The following DLGAP2 variants were observed in gnomAD, a reference collection of about 807,000 sequenced individuals.
DLGAP2 encodes the protein disks large-associated protein 2.
In DLGAP2, 26 loss-of-function variants were observed where a neutral mutation model predicts 100.3. The observed-to-expected ratio is 0.26, with a 90% CI of 0.19 to 0.36. The LOEUF (loss-of-function observed/expected upper bound fraction) is 0.36. DLGAP2 is among the 10% of genes least tolerant of loss of function. The pLI is 1.00. For missense variants in DLGAP2, 1,858 were observed against 1,453.2 expected (o/e 1.28, Z -4.53); for synonymous variants, 886 against 630.1 (o/e 1.41, Z -6.08).
intron 12 of DLGAP2, among the ~76,000 whole-genome samples, chr8:1,690,703 CAAAAAAAAAAAAAAAA>C (rs71190752): frequency 1.6e-5 from 1 of 62,086 alleles, no homozygotes; most frequent in Non-Finnish European, 3.2e-5. Context: ...GACCCTATCT[CAAAAAAAAAAAAAAAA>C]AAAAAAAAAA....
chr8:1,409,530 C>T (rs1584869281), intron 3 of DLGAP2, among the ~76,000 whole-genome samples: 1 of 152,206 alleles, frequency 6.6e-6, no homozygotes, highest in South Asian at 2.1e-4. Flanking sequence ...TGCTCAGAAC[C>T]CTCCTCGCTT....
At position 1,536,318 on chromosome 8, in the gene DLGAP2, C is replaced by T. The variant is rs1378344884; in HGVS notation, c.173-12308C>T. Among the ~76,000 whole-genome samples, 4 of 152,132 alleles carry T rather than the reference C, an allele frequency of 2.6e-5. No individual in the cohort carries two copies. In the East Asian group the frequency reaches 7.7e-4, roughly 29 times the overall value. On this transcript the variant is annotated intron_variant, in intron 4 of 14. Transcript: ENST00000637795. The stretch of plus-strand genomic sequence containing the variant: ...CGACTTCCCGGGATTGTTAGCAGAA[C>T]CACATGAAATCAGCACCATGCCGAC...
intron 3 of DLGAP2, among the ~76,000 whole-genome samples, chr8:1,329,637 C>G (rs1189128808): frequency 6.6e-6 from 1 of 152,142 alleles, no homozygotes; most frequent in Non-Finnish European, 1.5e-5. Flanking sequence ...GGGGAATGAA[C>G]ATGGGCCCTA....
At chr8:1,121,710 C>T (rs1438417274) in intron 2 of DLGAP2, among the ~76,000 whole-genome samples, 1 of 84,990 alleles carries the variant, frequency 1.2e-5, no homozygotes, top group Non-Finnish European at 3.6e-5. Context: ...CCATGACCAC[C>T]CATCCTTGTC....
intron 6 of DLGAP2, among the ~76,000 whole-genome samples, chr8:1,590,404 C>T (rs746139248): frequency 2.6e-5 from 4 of 152,126 alleles, no homozygotes; most frequent in Non-Finnish European, 5.9e-5. Context: ...TTTCCATCTC[C>T]GTGTTGGCTT....
At chr8:1,249,006 C>T (rs148894755) in intron 2 of DLGAP2, among the ~76,000 whole-genome samples, 30 of 152,212 alleles carry the variant, frequency 2.0e-4, no homozygotes, top group African/African-American at 7.2e-4. Flanking sequence ...CGGGGACATC[C>T]CATGTTTAGG....
intron 3 of DLGAP2, chr8:1,380,346 A>T (rs578260708): frequency 3.3e-5 from 5 of 152,172 alleles, no homozygotes; most frequent in African/African-American, 9.6e-5. Context: ...CACCTGGTTA[A>T]CGGAAGCAGC....
At chr8:1,288,321 C>G (rs1448406320) in intron 3 of DLGAP2, among the ~76,000 whole-genome samples, 2 of 129,488 alleles carry the variant, frequency 1.5e-5, no homozygotes, top group African/African-American at 3.0e-5. Flanking sequence ...AGGAGGGGAA[C>G]TAGTTTCGTT....
chr8:1,373,205 A>G (rs1183818053), intron 3 of DLGAP2, among the ~76,000 whole-genome samples: 2 of 152,056 alleles, frequency 1.3e-5, no homozygotes, highest in African/African-American at 4.8e-5. Context: ...TGCTTGAGTG[A>G]CTGCGCAGCA....
At chr8:1,588,432 A>G (rs1338863619) in intron 6 of DLGAP2, among the ~76,000 whole-genome samples, 1 of 152,182 alleles carries the variant, frequency 6.6e-6, no homozygotes, top group African/African-American at 2.4e-5. Context: ...CTTATATGTA[A>G]TTCTCCCCAA....
intron 6 of DLGAP2, among the ~76,000 whole-genome samples, chr8:1,593,819 A>G (rs934881152): frequency 3.3e-5 from 5 of 152,220 alleles, no homozygotes; most frequent in African/African-American, 1.2e-4. Context: ...CTCCCTCCTC[A>G]GCACAGAATA....
At chr8:1,641,879 C>G (rs575413755) in intron 8 of DLGAP2, among the ~76,000 whole-genome samples, 1 of 128,664 alleles carries the variant, frequency 7.8e-6, no homozygotes, top group Non-Finnish European at 1.7e-5. Flanking sequence ...CCCTCGAACC[C>G]GCCGGTCCTC....
chr8:1,223,580 T>C (rs574727122), intron 2 of DLGAP2, among the ~76,000 whole-genome samples: 1 of 152,374 alleles, frequency 6.6e-6, no homozygotes, highest in East Asian at 1.9e-4. Context: ...TCACTTTCTC[T>C]TTTTTAAAAA....
intron 1 of DLGAP2, among the ~76,000 whole-genome samples, chr8:809,081 AT>A (rs1263930922): frequency 6.6e-6 from 1 of 151,604 alleles, no homozygotes; most frequent in Non-Finnish European, 1.5e-5. Context: ...TAATTTTTTT[AT>A]TTTTAGTAGA....
chr8:1,238,522 G>A (rs1294997976), intron 2 of DLGAP2, among the ~76,000 whole-genome samples: 58 of 115,722 alleles, frequency 5.0e-4, no homozygotes, highest in South Asian at 1.6e-3. Context: ...TCTCTCACAT[G>A]GCGCCGTGTC....
In DLGAP2 at chr8:760,474, C is replaced by G. The variant is rs574462087; in HGVS notation, c.18+22649C>G. 7.2e-4 allele frequency among the ~76,000 whole-genome samples: 110 copies of G among 152,248 alleles called. 1 individual carries two copies. Among genetic ancestry groups the G allele is most frequent in the African/African-American group, 2.6e-3 (106 of 41,548 alleles). ...AATTTCCTAAAGTTTCTCATCTTGC[C>G]TGTCCAAAACTCTACCCTCATATAT... On this transcript the variant is annotated intron_variant, in intron 1 of 14. Transcript: ENST00000637795.
At position 849,021 on chromosome 8, in the gene DLGAP2, T is replaced by C. The variant is rs117003463; in HGVS notation, c.19-58891T>C. 6.4e-4 allele frequency among the ~76,000 whole-genome samples: 98 copies of C among 152,156 alleles called. 1 individual carries two copies. The East Asian group carries it at 0.012, about 19-fold the overall frequency. On this transcript the variant is annotated intron_variant, in intron 1 of 14. Coordinates refer to ENST00000637795, the MANE Select transcript of DLGAP2 (RefSeq NM_001346810.2). ...GGATCGTGAGGTGCCTGTTCCAGTA[T>C]AGGAATGTGCGGTGCCTGTTCCAGT... is the stretch of plus-strand genomic sequence containing the variant.
intron 6 of DLGAP2, among the ~76,000 whole-genome samples, chr8:1,596,727 T>G (rs1012800201): frequency 3.3e-5 from 5 of 152,142 alleles, no homozygotes; most frequent in African/African-American, 1.2e-4. Flanking sequence ...GTTGTTAGGT[T>G]TTTTTTTCTT....
chr8:989,951 G>A (rs1411012030), intron 2 of DLGAP2, among the ~76,000 whole-genome samples: 1 of 152,122 alleles, frequency 6.6e-6, no homozygotes, highest in African/African-American at 2.4e-5. Context: ...GCTGTTGGGT[G>A]TTGGGTTCGA....
Sources: gnomAD v4.1 joint callset for allele counts (sites outside exome capture counted in the v4.1 genomes callset) on GRCh38, gnomAD v4.1.1 for gene constraint, MANE v1.5 for transcripts, NCBI Gene and HGNC (gene_info 2026-07-23, HGNC 2026-07-21) for gene names.